The following DMD variants were observed in gnomAD, a reference collection of about 807,000 sequenced individuals.
DMD encodes the protein mutant dystrophin.
A neutral mutation model predicts 330.1 loss-of-function variants in DMD; 63 were observed. That is an observed-to-expected ratio of 0.19 (90% confidence interval 0.16 to 0.24). The LOEUF (loss-of-function observed/expected upper bound fraction) is 0.24. DMD is among the 10% of genes least tolerant of loss of function. The pLI, the probability that DMD is intolerant of heterozygous loss-of-function variation, is 1.00. For synonymous variants in DMD, 1,223 were observed against 959.8 expected (o/e 1.27, Z -5.07); for missense variants, 3,344 against 2,684.1 (o/e 1.25, Z -5.43).
intron 55 of DMD, among the ~76,000 whole-genome samples, chrX:31,607,532 C>T (rs1041607351): frequency 5.4e-4 from 60 of 111,954 alleles, no homozygotes; most frequent in Non-Finnish European, 1.3e-4. Context: ...ACAGTTCATG[C>T]CGCTAATTCA....
chrX:32,764,504 G>A (rs974979233), intron 7 of DMD, among the ~76,000 whole-genome samples: 1 of 110,744 alleles, frequency 9.0e-6, no homozygotes, highest in African/African-American at 3.3e-5. Context: ...CTTTATCTAT[G>A]CATTTTACTG....
chrX:31,631,208 C>T (rs900481294), intron 54 of DMD, among the ~76,000 whole-genome samples: 3 of 110,573 alleles, frequency 2.7e-5, no homozygotes, highest in African/African-American at 9.9e-5. Context: ...TTGAGAATCA[C>T]AGTTGCCAGG....
chrX:31,145,662 A>ATTTTTT (rs749721258), intron 76 of DMD, among the ~76,000 whole-genome samples: 5 of 86,293 alleles, frequency 5.8e-5, no homozygotes, highest in African/African-American at 2.3e-4. Context: ...TGGGAACTCT[A>ATTTTTT]TTTTTTTTTT....
chrX:32,594,412 T>C (rs1412300460), intron 13 of DMD, among the ~76,000 whole-genome samples: 2 of 111,335 alleles, frequency 1.8e-5, no homozygotes, highest in African/African-American at 6.5e-5. Context: ...TCAACACTAA[T>C]AGGTTTTGAG....
intron 41 of DMD, among the ~76,000 whole-genome samples, chrX:32,328,029 T>G (rs1325575): frequency 0.52 from 57,795 of 110,405 alleles, 11,867 homozygotes; most frequent in South Asian, 0.75. Flanking sequence ...TTAACTAAAA[T>G]GATGAACGTT....
chrX:33,203,135 G>A (rs1216736571), intron 1 of DMD, among the ~76,000 whole-genome samples: 1 of 111,130 alleles, frequency 9.0e-6, no homozygotes, highest in Non-Finnish European at 1.9e-5. Flanking sequence ...TTTCACTAAC[G>A]GTCCTCCAGA....
intron 17 of DMD, among the ~76,000 whole-genome samples, chrX:32,524,334 T>G (rs1409845711): frequency 2.7e-5 from 3 of 112,021 alleles, no homozygotes; most frequent in Non-Finnish European, 3.8e-5. Context: ...TTTTTTCCCC[T>G]TCATAAAGCA....
intron 41 of DMD, among the ~76,000 whole-genome samples, chrX:32,323,639 T>C (rs1001992312): frequency 2.7e-5 from 3 of 111,827 alleles, no homozygotes; most frequent in Non-Finnish European, 3.8e-5. Context: ...TACAGAAATA[T>C]AGGCATAAAA....
chrX:32,668,098 G>A (rs1224342969), intron 9 of DMD, among the ~76,000 whole-genome samples: 3 of 110,598 alleles, frequency 2.7e-5, no homozygotes, highest in South Asian at 3.9e-4. Context: ...GCAGTGAGCC[G>A]AGATTGTGCC....
At chrX:32,739,184 A>G (rs1237117764) in intron 7 of DMD, among the ~76,000 whole-genome samples, 2 of 111,568 alleles carry the variant, frequency 1.8e-5, no homozygotes, top group Non-Finnish European at 3.8e-5. Flanking sequence ...AATTTGCACA[A>G]GTTTACACAG....
intron 74 of DMD, among the ~76,000 whole-genome samples, chrX:31,150,821 A>G (rs2037325082): frequency 8.9e-6 from 1 of 111,732 alleles, no homozygotes; most frequent in South Asian, 3.8e-4. Flanking sequence ...AGAAAACCCA[A>G]TCTACTCTGG....
intron 21 of DMD, among the ~76,000 whole-genome samples, chrX:32,480,759 A>C (rs2041807499): frequency 9.0e-6 from 1 of 110,744 alleles, no homozygotes; most frequent in African/African-American, 3.3e-5. Context: ...GTCAGGGAAC[A>C]ATTCTTTTAT....
intron 42 of DMD, among the ~76,000 whole-genome samples, chrX:32,289,974 G>C (rs910869677): frequency 9.0e-6 from 1 of 111,287 alleles, no homozygotes; most frequent in Non-Finnish European, 1.9e-5. Context: ...TTTTAAAAAA[G>C]CATAATCTTC....
At chrX:32,472,794 A>G (rs759072980) in intron 21 of DMD, among the ~76,000 whole-genome samples, 2 of 111,227 alleles carry the variant, frequency 1.8e-5, no homozygotes, top group African/African-American at 6.5e-5. Context: ...AATTTTACTG[A>G]AAGAACACCC....
intron 55 of DMD, among the ~76,000 whole-genome samples, chrX:31,571,913 C>T (rs182014311): frequency 9.0e-6 from 1 of 111,654 alleles, no homozygotes; most frequent in African/African-American, 3.3e-5. Flanking sequence ...ACTCCCTGAA[C>T]TAGAGTCCTG....
intron 51 of DMD, among the ~76,000 whole-genome samples, chrX:31,734,119 C>A (rs1237219279): frequency 1.8e-5 from 2 of 111,031 alleles, no homozygotes; most frequent in Non-Finnish European, 3.8e-5. Flanking sequence ...TGCCCGGATT[C>A]ACCATTTGTT....
At chrX:32,640,334 ATAAAG>A (rs2059369397) in intron 11 of DMD, among the ~76,000 whole-genome samples, 1 of 108,957 alleles carries the variant, frequency 9.2e-6, no homozygotes, top group Non-Finnish European at 1.9e-5. Flanking sequence ...TTACAAAACT[ATAAAG>A]TAGAGAACAG....
At chrX:33,250,085 T>TTTTA (rs1484050730) in intron 1 of DMD, among the ~76,000 whole-genome samples, 7 of 75,436 alleles carry the variant, frequency 9.3e-5, no homozygotes, top group African/African-American at 5.0e-4. Flanking sequence ...AAACTATTCA[T>TTTTA]TATATATATA....
At chrX:33,298,643 T>A (rs1447267425) in intron 1 of DMD, among the ~76,000 whole-genome samples, 1 of 111,894 alleles carries the variant, frequency 8.9e-6, no homozygotes, top group Non-Finnish European at 1.9e-5. Flanking sequence ...TTCTTGCTGA[T>A]ACTCTGTGCC....
Sources: gnomAD v4.1 joint callset for allele counts (sites outside exome capture counted in the v4.1 genomes callset) on GRCh38, gnomAD v4.1.1 for gene constraint, MANE v1.5 for transcripts, NCBI Gene and HGNC (gene_info 2026-07-23, HGNC 2026-07-21) for gene names.